INTS9: variants seen among roughly 807,000 people sequenced by gnomAD.
INTS9 encodes integrator complex subunit 9.
A neutral mutation model predicts 79.7 loss-of-function variants in INTS9; 55 were observed. That is an observed-to-expected ratio of 0.69 (90% confidence interval 0.56 to 0.86). The LOEUF (loss-of-function observed/expected upper bound fraction) is 0.86. Ranked by LOEUF, INTS9 falls within the 40% of genes least tolerant of loss-of-function variation. INTS9 has a pLI of 0.00. For synonymous variants in INTS9, 319 were observed against 325.2 expected (o/e 0.98, Z 0.20); for missense variants, 721 against 831.5 (o/e 0.87, Z 1.64).
intron 2 of INTS9, among the ~76,000 whole-genome samples, chr8:28,852,341 A>C (rs539919679): frequency 4.9e-4 from 74 of 152,182 alleles, no homozygotes; most frequent in Non-Finnish European, 8.5e-4. Context: ...AAAGTTTTTA[A>C]AATAAACTCT....
At chr8:28,802,943 C>A (rs1215580518) in intron 8 of INTS9, among the ~76,000 whole-genome samples, 4 of 135,000 alleles carry the variant, frequency 3.0e-5, no homozygotes, top group Non-Finnish European at 4.7e-5. Flanking sequence ...AACCCCGTTT[C>A]TACAAAAAAA....
At chr8:28,886,478 C>G (rs1041777290) in intron 1 of INTS9, among the ~76,000 whole-genome samples, 1 of 152,186 alleles carries the variant, frequency 6.6e-6, no homozygotes, top group Non-Finnish European at 1.5e-5. Flanking sequence ...AACTCCTGAT[C>G]TCAAGCCATC....
chr8:28,770,386 G>A (rs917379614), intron 15 of INTS9, among the ~76,000 whole-genome samples: 9 of 152,216 alleles, frequency 5.9e-5, no homozygotes, highest in African/African-American at 2.2e-4. Context: ...TGGCTGTGGG[G>A]TCAGACCAAA....
intron 6 of INTS9, among the ~76,000 whole-genome samples, chr8:28,820,231 C>T (rs1309442770): frequency 6.6e-6 from 1 of 152,196 alleles, no homozygotes; most frequent in African/African-American, 2.4e-5. Context: ...TTAGTTGATG[C>T]AGTTTCTTCC....
chr8:28,822,637 T>A (rs1357150098), intron 6 of INTS9, among the ~76,000 whole-genome samples: 1 of 151,994 alleles, frequency 6.6e-6, no homozygotes, highest in Non-Finnish European at 1.5e-5. Flanking sequence ...ACTCAAGGAA[T>A]AAAGACAAGA....
chr8:28,857,323 G>A (rs573793206), intron 2 of INTS9, among the ~76,000 whole-genome samples: 1 of 152,266 alleles, frequency 6.6e-6, no homozygotes, highest in African/African-American at 2.4e-5. Context: ...AACCAGGAAT[G>A]CATTATCATG....
At chr8:28,872,371 T>C (rs1809142535) in intron 1 of INTS9, among the ~76,000 whole-genome samples, 1 of 152,212 alleles carries the variant, frequency 6.6e-6, no homozygotes, top group African/African-American at 2.4e-5. Context: ...CAAAATGAAC[T>C]ACATAAATGT....
intron 11 of INTS9, among the ~76,000 whole-genome samples, chr8:28,782,877 T>A (rs1488530584): frequency 6.6e-6 from 1 of 151,902 alleles, no homozygotes; most frequent in African/African-American, 2.4e-5. Context: ...AAAAAACACA[T>A]ACACACACAA....
At chr8:28,838,764 G>A (rs955780840) in intron 4 of INTS9, among the ~76,000 whole-genome samples, 8 of 151,996 alleles carry the variant, frequency 5.3e-5, no homozygotes, top group African/African-American at 1.9e-4. Context: ...CAAGTGATCT[G>A]CCTGCCTCAG....
At chr8:28,867,845 T>A (rs1338491727) in intron 1 of INTS9, among the ~76,000 whole-genome samples, 1 of 152,152 alleles carries the variant, frequency 6.6e-6, no homozygotes, top group Non-Finnish European at 1.5e-5. Context: ...TATCGGGTAC[T>A]CTGTAAGAAC....
At chr8:28,813,853 C>T (rs949802590) in intron 6 of INTS9, among the ~76,000 whole-genome samples, 6 of 152,038 alleles carry the variant, frequency 3.9e-5, no homozygotes, top group South Asian at 2.1e-4. Context: ...CTCCACCTCC[C>T]GGGTTCAAGC....
At chr8:28,778,999 TACCC>T (rs1313002044) in intron 12 of INTS9, among the ~76,000 whole-genome samples, 1 of 152,198 alleles carries the variant, frequency 6.6e-6, no homozygotes, top group African/African-American at 2.4e-5. Flanking sequence ...GCAAACCCAT[TACCC>T]AGAGTTGTCA....
At chr8:28,821,385 A>T (rs1177036744) in intron 6 of INTS9, among the ~76,000 whole-genome samples, 1 of 152,222 alleles carries the variant, frequency 6.6e-6, no homozygotes, top group Non-Finnish European at 1.5e-5. Flanking sequence ...TGTGAGACTT[A>T]TTCACTATCA....
intron 8 of INTS9, among the ~76,000 whole-genome samples, chr8:28,800,836 G>A (rs1451012259): frequency 1.3e-5 from 2 of 152,182 alleles, no homozygotes; most frequent in African/African-American, 4.8e-5. Context: ...CTAAACAAAT[G>A]CACATAAATG....
intron 6 of INTS9, among the ~76,000 whole-genome samples, chr8:28,831,554 C>G (rs944621682): frequency 2.6e-5 from 4 of 152,278 alleles, no homozygotes; most frequent in Admixed American, 1.3e-4. Flanking sequence ...CATTCATACT[C>G]TCCGTAATGT....
rs78480151 is a variant in INTS9, at chr8:28,796,994, G to A, written c.745-339C>T. ...TTAAAACAAGGTATCTTGTATTTCTGTAATGCTTTCTTCTTTTCAAAATGC... is the reference window on the plus strand; with the variant it reads ...TTAAAACAAGGTATCTTGTATTTCTATAATGCTTTCTTCTTTTCAAAATGC... On this transcript the variant is annotated intron_variant, in intron 8 of 16. Transcript: ENST00000521022. 3.1e-3 allele frequency: 595 copies of A among 194,840 alleles called. 3 individuals carry two copies. Among genetic ancestry groups the A allele is most frequent in the Middle Eastern group, 6.8e-3 (3 of 438 alleles). The allele number at this position is 194,840 out of a possible 1,614,324, so 12.1% of individuals were successfully genotyped here.
chr8:28,805,465 C>T (rs985613316), intron 8 of INTS9, among the ~76,000 whole-genome samples: 3 of 152,196 alleles, frequency 2.0e-5, no homozygotes, highest in Non-Finnish European at 4.4e-5. Flanking sequence ...GTCAATCTAG[C>T]AGGATGTTAT....
chr8:28,822,715 C>G (rs540806410), intron 6 of INTS9, among the ~76,000 whole-genome samples: 2 of 152,176 alleles, frequency 1.3e-5, no homozygotes, highest in Non-Finnish European at 2.9e-5. Flanking sequence ...TAGCATTGGA[C>G]ATTTCAACAG....
chr8:28,867,237 A>G (rs1808805864), intron 1 of INTS9, among the ~76,000 whole-genome samples: 1 of 152,236 alleles, frequency 6.6e-6, no homozygotes, highest in Non-Finnish European at 1.5e-5. Flanking sequence ...AGCCTGACCA[A>G]CATGGTAAAA....
Sources: allele counts gnomAD v4.1 joint callset (sites outside exome capture counted in the v4.1 genomes callset), GRCh38; gene constraint gnomAD v4.1.1; transcripts MANE v1.5; gene names NCBI Gene and HGNC (gene_info 2026-07-23, HGNC 2026-07-21).